ERBB4: variants seen among roughly 807,000 people sequenced by gnomAD.
ERBB4 encodes the protein erb-b2 receptor tyrosine kinase 4.
ERBB4 carries 42 observed loss-of-function variants against 158.0 expected under a neutral mutation model. That is an observed-to-expected ratio of 0.27 (90% CI 0.21 to 0.34). The LOEUF (loss-of-function observed/expected upper bound fraction) is 0.34. ERBB4 is among the 10% of genes least tolerant of loss of function. The pLI, the probability that ERBB4 is intolerant of heterozygous loss-of-function variation, is 1.00. For missense variants in ERBB4, 1,333 were observed against 1,624.1 expected (o/e 0.82, Z 3.08); for synonymous variants, 583 against 558.7 (o/e 1.04, Z -0.61).
intron 1 of ERBB4, among the ~76,000 whole-genome samples, chr2:212,187,611 T>C (rs2082053387): frequency 6.6e-6 from 1 of 152,122 alleles, no homozygotes; most frequent in African/African-American, 2.4e-5. Context: ...ATCAATTTTT[T>C]AAGAGCCAGC....
intron 20 of ERBB4, among the ~76,000 whole-genome samples, chr2:211,439,641 A>G (rs1054007692): frequency 2.0e-5 from 3 of 152,190 alleles, no homozygotes; most frequent in Non-Finnish European, 2.9e-5. Flanking sequence ...CCTTTGGACA[A>G]GTTATTTTAC....
intron 2 of ERBB4, among the ~76,000 whole-genome samples, chr2:212,119,660 C>T (rs1414480661): frequency 6.6e-6 from 1 of 152,030 alleles, no homozygotes; most frequent in Admixed American, 6.6e-5. Flanking sequence ...TTCTAGCCAG[C>T]AATGTGGTTC....
At chr2:212,175,765 A>T (rs1022329037) in intron 1 of ERBB4, among the ~76,000 whole-genome samples, 7 of 151,906 alleles carry the variant, frequency 4.6e-5, no homozygotes, top group African/African-American at 1.7e-4. Flanking sequence ...TGAGGCTCAT[A>T]ATAAACATTC....
At chr2:212,281,216 T>A (rs1295179026) in intron 1 of ERBB4, among the ~76,000 whole-genome samples, 1 of 151,758 alleles carries the variant, frequency 6.6e-6, no homozygotes, top group Non-Finnish European at 1.5e-5. Flanking sequence ...ATAATTTAAC[T>A]GATTTTCTTT....
intron 1 of ERBB4, among the ~76,000 whole-genome samples, chr2:212,358,870 G>T (rs1176612488): frequency 6.6e-6 from 1 of 151,470 alleles, no homozygotes; most frequent in Admixed American, 6.6e-5. Flanking sequence ...TATGTCAAAA[G>T]ATATATACAA....
intron 3 of ERBB4, among the ~76,000 whole-genome samples, chr2:211,939,871 C>T (rs1201049467): frequency 2.0e-5 from 3 of 151,188 alleles, no homozygotes; most frequent in Non-Finnish European, 2.9e-5. Context: ...GGCATGAACC[C>T]GGGAGGTGGA....
intron 1 of ERBB4, among the ~76,000 whole-genome samples, chr2:212,436,565 C>G (rs954406224): frequency 1.3e-5 from 2 of 151,972 alleles, no homozygotes; most frequent in African/African-American, 4.8e-5. Context: ...TTTCATTTCT[C>G]CTTTCTAAGT....
chr2:212,387,448 AAC>A (rs1431559645), intron 1 of ERBB4, among the ~76,000 whole-genome samples: 1 of 137,416 alleles, frequency 7.3e-6, no homozygotes, highest in Non-Finnish European at 1.6e-5. Flanking sequence ...TTGCAGTTAG[AAC>A]ACATTTTTTT....
chr2:212,503,166 G>T (rs1005811225), intron 1 of ERBB4, among the ~76,000 whole-genome samples: 1 of 152,186 alleles, frequency 6.6e-6, no homozygotes, highest in Non-Finnish European at 1.5e-5. Flanking sequence ...TGTTAGTAAT[G>T]AGAAATAAAC....
At chr2:212,048,848 G>C (rs533699698) in intron 2 of ERBB4, among the ~76,000 whole-genome samples, 1 of 152,258 alleles carries the variant, frequency 6.6e-6, no homozygotes, top group South Asian at 2.1e-4. Flanking sequence ...TGTGTTTAAA[G>C]AAAAAATATT....
intron 20 of ERBB4, among the ~76,000 whole-genome samples, chr2:211,477,634 T>C (rs1389080107): frequency 6.6e-6 from 1 of 152,156 alleles, no homozygotes; most frequent in African/African-American, 2.4e-5. Context: ...TTGTATATTT[T>C]TCTAGATCTG....
chr2:211,555,541 T>A (rs571135644), intron 20 of ERBB4, among the ~76,000 whole-genome samples: 33 of 152,232 alleles, frequency 2.2e-4, no homozygotes, highest in African/African-American at 7.9e-4. Context: ...AATGGAAGAA[T>A]GGAAAGAAAA....
chr2:211,985,486 T>C (rs1054212028), intron 2 of ERBB4, among the ~76,000 whole-genome samples: 14 of 152,100 alleles, frequency 9.2e-5, no homozygotes, highest in Non-Finnish European at 1.8e-4. Flanking sequence ...CAAAGCCTCA[T>C]TGACCAAATT....
At chr2:211,923,179 A>T (rs1482412414) in intron 3 of ERBB4, among the ~76,000 whole-genome samples, 1 of 152,186 alleles carries the variant, frequency 6.6e-6, no homozygotes, top group African/African-American at 2.4e-5. Flanking sequence ...GAGGAAGACA[A>T]GACGGCAAAG....
At chr2:212,404,646 AT>A (rs1303722686) in intron 1 of ERBB4, among the ~76,000 whole-genome samples, 1 of 151,908 alleles carries the variant, frequency 6.6e-6, no homozygotes, top group African/African-American at 2.4e-5. Context: ...TTGTAGGGGG[AT>A]TTTTTTAACT....
intron 1 of ERBB4, among the ~76,000 whole-genome samples, chr2:212,399,155 C>G (rs952588923): frequency 1.3e-5 from 2 of 151,956 alleles, no homozygotes; most frequent in African/African-American, 4.8e-5. Flanking sequence ...GTTGGCCAGA[C>G]TGATCTCAAA....
chr2:212,315,880 C>G (rs541607059), intron 1 of ERBB4, among the ~76,000 whole-genome samples: 3 of 151,462 alleles, frequency 2.0e-5, no homozygotes, highest in African/African-American at 7.3e-5. Context: ...ATTGAACTCA[C>G]AGAAGACATA....
intron 1 of ERBB4, among the ~76,000 whole-genome samples, chr2:212,509,069 T>C (rs1265546598): frequency 1.3e-5 from 2 of 152,238 alleles, no homozygotes; most frequent in Admixed American, 1.3e-4. Flanking sequence ...CTTCTTAAAG[T>C]TTCTCTTTCC....
At chr2:212,200,792 T>C (rs2082567175) in intron 1 of ERBB4, among the ~76,000 whole-genome samples, 1 of 152,180 alleles carries the variant, frequency 6.6e-6, no homozygotes, top group Non-Finnish European at 1.5e-5. Flanking sequence ...CAAAAGGAAA[T>C]ATTTTCACTT....
Sources: gnomAD v4.1 joint callset for allele counts (sites outside exome capture counted in the v4.1 genomes callset) on GRCh38, gnomAD v4.1.1 for gene constraint, MANE v1.5 for transcripts, NCBI Gene and HGNC (gene_info 2026-07-23, HGNC 2026-07-21) for gene names.